Variants in SCAPER observed in about 807,000 individuals in gnomAD.
SCAPER encodes the protein S phase cyclin A-associated protein in the endoplasmic reticulum.
SCAPER carries 98 observed loss-of-function variants against 182.2 expected under a neutral mutation model. That is an observed-to-expected ratio of 0.54 (90% CI 0.46 to 0.64). The LOEUF (loss-of-function observed/expected upper bound fraction) is 0.64. Ranked by LOEUF, SCAPER falls within the 30% of genes least tolerant of loss-of-function variation. The pLI, the probability that SCAPER is intolerant of heterozygous loss-of-function variation, is 0.00. For missense variants in SCAPER, 1,432 were observed against 1,690.0 expected, an observed-to-expected ratio of 0.85 and a Z score of 2.68; for synonymous variants, 605 against 564.6, an observed-to-expected ratio of 1.07 and a Z score of -1.01.
At chr15:76,578,640 AGTGTTACT>A (rs2048034930) in intron 22 of SCAPER, among the ~76,000 whole-genome samples, 1 of 152,258 alleles carries the variant, frequency 6.6e-6, no homozygotes, top group Admixed American at 6.5e-5. Flanking sequence ...TAAGAGCCAT[AGTGTTACT>A]GGGCTTGGGG....
chr15:76,642,616 C>T (rs1271714000), intron 21 of SCAPER, among the ~76,000 whole-genome samples: 1 of 152,058 alleles, frequency 6.6e-6, no homozygotes, highest in Non-Finnish European at 1.5e-5. Context: ...CTAATATTAC[C>T]AGCAACGCAC....
chr15:76,543,153 T>C (rs568058111), intron 23 of SCAPER, among the ~76,000 whole-genome samples: 55 of 152,194 alleles, frequency 3.6e-4, no homozygotes, highest in Non-Finnish European at 5.0e-4. Flanking sequence ...AAAAAATGCA[T>C]TGAGTGTCAA....
intron 23 of SCAPER, among the ~76,000 whole-genome samples, chr15:76,571,383 T>C (rs1448916498): frequency 2.6e-5 from 4 of 152,022 alleles, no homozygotes; most frequent in East Asian, 1.9e-4. Flanking sequence ...ATAACACATA[T>C]AAAAAGCTTA....
At chr15:76,652,105 G>A (rs1421586767) in intron 21 of SCAPER, among the ~76,000 whole-genome samples, 1 of 149,126 alleles carries the variant, frequency 6.7e-6, no homozygotes, top group East Asian at 2.0e-4. Flanking sequence ...AACAGATTAG[G>A]CATCAAAGAA....
intron 18 of SCAPER, 124 bp downstream of exon 18, chr15:76,705,779 A>G (rs996527738): frequency 1.4e-5 from 9 of 649,714 alleles, no homozygotes; most frequent in African/African-American, 3.8e-5. Flanking sequence ...TAGCAAAATC[A>G]TATAAGCTTT....
chr15:76,765,181 C>T, intron 13 of SCAPER, 109 bp from the exon 14 acceptor site: 1 of 1,052,212 alleles, frequency 9.5e-7, no homozygotes, highest in South Asian at 1.7e-5. Context: ...CTAATTTTGG[C>T]CCAACATTTC....
chr15:76,791,507 G>A lies in SCAPER; in HGVS notation c.772+3773C>T, dbSNP rs78890849. Among the ~76,000 whole-genome samples, 1,207 of 152,122 alleles carry A rather than the reference G, an allele frequency of 7.9e-3. 11 individuals are homozygous for A. Among genetic ancestry groups the A allele is most frequent in the African/African-American group, 0.028 (1,146 of 41,488 alleles). On this transcript the variant is annotated intron_variant, in intron 8 of 31. Transcript: ENST00000563290. ...GTCCTGGCAGAAACCAGCATTCCCAGCCAACTGAAACAGATATTAGAATTC... is the reference window on the plus strand; with the variant it reads ...GTCCTGGCAGAAACCAGCATTCCCAACCAACTGAAACAGATATTAGAATTC...
chr15:76,496,781 G>GT (rs2040588884), intron 24 of SCAPER, among the ~76,000 whole-genome samples: 1 of 151,930 alleles, frequency 6.6e-6, no homozygotes, highest in South Asian at 2.1e-4. Flanking sequence ...ATTCTTTTTT[G>GT]ATGTGAAGAA....
At chr15:76,361,753 G>A (rs893818352) in intron 29 of SCAPER, among the ~76,000 whole-genome samples, 1 of 152,168 alleles carries the variant, frequency 6.6e-6, no homozygotes, top group Non-Finnish European at 1.5e-5. Context: ...TTACTGTATT[G>A]TAGTAAAATA....
chr15:76,791,607 C>CA (rs1346963282), intron 8 of SCAPER, among the ~76,000 whole-genome samples: 2 of 151,058 alleles, frequency 1.3e-5, no homozygotes, highest in Non-Finnish European at 2.9e-5. Context: ...GGAATTGAGT[C>CA]AAAAAATCTT....
intron 26 of SCAPER, among the ~76,000 whole-genome samples, chr15:76,424,376 C>A (rs1467709050): frequency 1.3e-5 from 2 of 152,120 alleles, no homozygotes; most frequent in Admixed American, 6.6e-5. Context: ...TATGTAACGG[C>A]CTTCTTTGTC....
rs534953152 is a variant in SCAPER, at chr15:76,487,582, T to C, written c.2955-16247A>G. Among the ~76,000 whole-genome samples, 16 of 152,188 alleles carry C rather than the reference T, an allele frequency of 1.1e-4. 1 individual carries two copies. The South Asian group carries it at 3.1e-3, about 30-fold the overall frequency. ...CAACTGTAAAAATATACCACACCAA[T>C]GCAAGATTTCAAGAATAGGTAAAAC... On this transcript the variant is annotated intron_variant, in intron 24 of 31. Transcript: ENST00000563290.
At chr15:76,398,836 G>T (rs1449034127) in intron 27 of SCAPER, among the ~76,000 whole-genome samples, 1 of 152,216 alleles carries the variant, frequency 6.6e-6, no homozygotes, top group East Asian at 1.9e-4. Context: ...TGTAAGGATT[G>T]CAAACTCTTT....
At chr15:76,406,803 G>A (rs1378455790) in intron 26 of SCAPER, among the ~76,000 whole-genome samples, 5 of 152,238 alleles carry the variant, frequency 3.3e-5, no homozygotes, top group Non-Finnish European at 7.3e-5. Flanking sequence ...CATTGTTAAA[G>A]ATGCTACCTG....
chr15:76,418,028 T>A (rs906791372), intron 26 of SCAPER, among the ~76,000 whole-genome samples: 8 of 151,006 alleles, frequency 5.3e-5, no homozygotes, highest in Non-Finnish European at 8.9e-5. Context: ...AAAAAAAAAA[T>A]TTTTTTTCAG....
chr15:76,711,556 A>C (rs2059565840), intron 17 of SCAPER, among the ~76,000 whole-genome samples: 1 of 152,140 alleles, frequency 6.6e-6, no homozygotes, highest in African/African-American at 2.4e-5. Context: ...AGGAACTGAA[A>C]CTCTCATGTG....
At chr15:76,870,924 T>C (rs1047872162) in intron 2 of SCAPER, among the ~76,000 whole-genome samples, 6 of 151,914 alleles carry the variant, frequency 3.9e-5, no homozygotes, top group Non-Finnish European at 7.4e-5. Context: ...GATAGACATA[T>C]TAGGGTTAAA....
At chr15:76,867,168 G>C (rs1365060805) in intron 2 of SCAPER, among the ~76,000 whole-genome samples, 1 of 152,118 alleles carries the variant, frequency 6.6e-6, no homozygotes, top group Non-Finnish European at 1.5e-5. Flanking sequence ...AAGGTTACAA[G>C]TACTGTTTAC....
At chr15:76,626,452 C>T (rs902415372) in intron 21 of SCAPER, among the ~76,000 whole-genome samples, 2 of 152,214 alleles carry the variant, frequency 1.3e-5, no homozygotes, top group Admixed American at 1.3e-4. Flanking sequence ...TTCGGTGGCT[C>T]ACGCCTGTAA....
Sources: gnomAD v4.1 joint callset for allele counts (sites outside exome capture counted in the v4.1 genomes callset) on GRCh38, gnomAD v4.1.1 for gene constraint, MANE v1.5 for transcripts, NCBI Gene and HGNC (gene_info 2026-07-23, HGNC 2026-07-21) for gene names.